The following TAFA1 variants were observed in gnomAD, a reference collection of about 807,000 sequenced individuals.
The protein encoded by TAFA1 is chemokine-like protein TAFA-1.
In TAFA1, 4 loss-of-function variants were observed where a neutral mutation model predicts 18.5. The ratio of observed to expected loss-of-function variants is 0.22; its 90% CI spans 0.11 to 0.49. The LOEUF (loss-of-function observed/expected upper bound fraction) is 0.49. Among genes scored for constraint, TAFA1 ranks in the 20% least tolerant of loss-of-function variants. TAFA1 has a pLI of 0.98. For missense variants in TAFA1, 147 were observed against 169.0 expected, an observed-to-expected ratio of 0.87 and a Z score of 0.72; for synonymous variants, 56 against 55.2, an observed-to-expected ratio of 1.01 and a Z score of -0.06.
intron 3 of TAFA1, among the ~76,000 whole-genome samples, chr3:68,481,454 A>G (rs35845454): frequency 0.25 from 38,063 of 152,126 alleles, 5,120 homozygotes; most frequent in East Asian, 0.49. Flanking sequence ...CTTGGGATCT[A>G]AAAGAGTGTT....
chr3:68,324,020 T>C (rs888054301), intron 2 of TAFA1, among the ~76,000 whole-genome samples: 4 of 152,210 alleles, frequency 2.6e-5, no homozygotes, highest in Non-Finnish European at 5.9e-5. Flanking sequence ...CTTTATTTTG[T>C]ATTTTTCTTA....
chr3:68,228,821 A>G (rs904795011), intron 2 of TAFA1, among the ~76,000 whole-genome samples: 2 of 152,252 alleles, frequency 1.3e-5, no homozygotes, highest in African/African-American at 4.8e-5. Flanking sequence ...CAAGTGAAAC[A>G]GATGAGAATG....
rs192483552 is a variant in TAFA1 at position 68,402,371 on chromosome 3, C to T, written c.119-14909C>T. On this transcript the variant is annotated intron_variant, in intron 2 of 4. Coordinates refer to ENST00000478136, the MANE Select transcript of TAFA1 (RefSeq NM_213609.4). ...CTAAGTTAATTCGGACGGCCTTAGA[C>T]TTCTGATCACATCCGTGCAGCCAGA... is the stretch of plus-strand genomic sequence containing the variant. Among the ~76,000 whole-genome samples, 17 of 152,300 alleles carry T rather than the reference C, an allele frequency of 1.1e-4. No individual in the cohort carries two copies. In the East Asian group the frequency reaches 3.3e-3, roughly 29 times the overall value.
intron 3 of TAFA1, among the ~76,000 whole-genome samples, chr3:68,470,318 C>G (rs1246705628): frequency 6.6e-6 from 1 of 152,112 alleles, no homozygotes; most frequent in Non-Finnish European, 1.5e-5. Flanking sequence ...AGCATGAGAA[C>G]AGACTAATAC....
chr3:68,269,877 A>C (rs2067629025), intron 2 of TAFA1, among the ~76,000 whole-genome samples: 1 of 152,206 alleles, frequency 6.6e-6, no homozygotes, highest in African/African-American at 2.4e-5. Flanking sequence ...GAAAAGATAC[A>C]AGCTTTATAT....
rs576336513 is a variant in TAFA1, at chr3:68,134,304, C to T, written c.118+127560C>T. On this transcript the variant is annotated intron_variant, in intron 2 of 4. Transcript: ENST00000478136. ...AAGAGGTTAAATCAGGAGACCAACG[C>T]TCAAGTCACATTCAAATTCTTAATA... 1.5e-4 allele frequency among the ~76,000 whole-genome samples: 23 copies of T among 152,166 alleles called. 1 individual carries two copies. Among genetic ancestry groups the T allele is most frequent in the African/African-American group, 4.8e-4 (20 of 41,518 alleles).
intron 2 of TAFA1, among the ~76,000 whole-genome samples, chr3:68,406,852 G>A (rs570370645): frequency 7.2e-4 from 110 of 152,184 alleles, no homozygotes; most frequent in Non-Finnish European, 1.5e-3. Flanking sequence ...AAGGAATCAA[G>A]TGTGTTCTTG....
At chr3:68,372,110 C>T (rs2069718400) in intron 2 of TAFA1, among the ~76,000 whole-genome samples, 1 of 152,210 alleles carries the variant, frequency 6.6e-6, no homozygotes, top group Non-Finnish European at 1.5e-5. Context: ...ATTTCTCCCA[C>T]TTTTATCCAA....
chr3:68,143,358 A>T (rs1411175483), intron 2 of TAFA1, among the ~76,000 whole-genome samples: 1 of 152,170 alleles, frequency 6.6e-6, no homozygotes, highest in Non-Finnish European at 1.5e-5. Flanking sequence ...ATGATTCTGA[A>T]TCATAAGAAA....
In TAFA1 at chr3:68,429,854, G is replaced by T. The variant is rs191841785; in HGVS notation, c.259+12434G>T. Reference sequence around the variant, plus strand: ...GCCTAAGTTAATAATGCCCACCTGTGAGTCCTTGGAACAGCCTGTATAACA... The same window carrying T: ...GCCTAAGTTAATAATGCCCACCTGTTAGTCCTTGGAACAGCCTGTATAACA... On this transcript the variant is annotated intron_variant, in intron 3 of 4. Coordinates refer to ENST00000478136, the MANE Select transcript of TAFA1 (RefSeq NM_213609.4). 4.3e-3 allele frequency among the ~76,000 whole-genome samples: 654 copies of T among 151,962 alleles called. 4 individuals carry two copies. Among genetic ancestry groups the T allele is most frequent in the Non-Finnish European group, 5.7e-3 (390 of 67,878 alleles).
intron 2 of TAFA1, among the ~76,000 whole-genome samples, chr3:68,405,732 A>AAAAAAAAAAAAC (rs2070592093): frequency 7.0e-6 from 1 of 143,150 alleles, no homozygotes; most frequent in Non-Finnish European, 1.5e-5. Flanking sequence ...AAAAAAAAAA[A>AAAAAAAAAAAAC]AAAAAAAAGA....
intron 3 of TAFA1, among the ~76,000 whole-genome samples, chr3:68,464,596 G>T (rs1055167089): frequency 6.6e-6 from 1 of 152,148 alleles, no homozygotes; most frequent in Admixed American, 6.5e-5. Flanking sequence ...GAAAGCCAGG[G>T]TCACATAGTG....
chr3:68,000,126 T>C (rs1015934779), upstream of TAFA1, among the ~76,000 whole-genome samples: 1 of 152,196 alleles, frequency 6.6e-6, no homozygotes, highest in Non-Finnish European at 1.5e-5. Context: ...TCATTATGCA[T>C]GCCATCCTGA....
Position 68,112,976 on chromosome 3 carries a change from A to C in TAFA1, c.118+106232A>C, listed in dbSNP as rs572411071. On this transcript the variant is annotated intron_variant, in intron 2 of 4. Transcript: ENST00000478136. ...AAGAAATTTAATCTTAAAGCTATCA[A>C]TTATTCTCAAATTAATTTTTTAGAT... Among the ~76,000 whole-genome samples the C allele has an allele frequency of 5.9e-5, 9 of 152,280 alleles. No individual in the cohort carries two copies. In the East Asian group the frequency reaches 1.7e-3, roughly 29 times the overall value.
intron 2 of TAFA1, among the ~76,000 whole-genome samples, chr3:68,066,021 G>T (rs916592619): frequency 6.6e-6 from 1 of 152,064 alleles, no homozygotes; most frequent in Admixed American, 6.6e-5. Flanking sequence ...ACATAAATGT[G>T]TAGAAAATAC....
chr3:68,465,327 G>A (rs528690890), intron 3 of TAFA1, among the ~76,000 whole-genome samples: 23 of 152,214 alleles, frequency 1.5e-4, no homozygotes, highest in African/African-American at 2.2e-4. Context: ...AGAAAGACAG[G>A]AAGAATCTGA....
chr3:68,011,579 A>G (rs1474520104), intron 2 of TAFA1, among the ~76,000 whole-genome samples: 2 of 152,238 alleles, frequency 1.3e-5, no homozygotes, highest in Non-Finnish European at 2.9e-5. Flanking sequence ...CTCAGAGAAT[A>G]TGCAGTAGAA....
intron 3 of TAFA1, among the ~76,000 whole-genome samples, chr3:68,497,064 T>C (rs1234996393): frequency 6.6e-6 from 1 of 152,210 alleles, no homozygotes. Context: ...CTTAGAATGA[T>C]GCCTTGTACA....
At chr3:68,476,647 A>C (rs559438893) in intron 3 of TAFA1, among the ~76,000 whole-genome samples, 42 of 152,328 alleles carry the variant, frequency 2.8e-4, no homozygotes, top group Middle Eastern at 3.4e-3. Flanking sequence ...TGTGGCTAAA[A>C]GATATGCTGT....
Sources: allele counts gnomAD v4.1 joint callset (sites outside exome capture counted in the v4.1 genomes callset), GRCh38; gene constraint gnomAD v4.1.1; transcripts MANE v1.5; gene names NCBI Gene and HGNC (gene_info 2026-07-23, HGNC 2026-07-21).